Variants in CLPB observed in about 807,000 individuals in gnomAD.
CLPB encodes the protein mitochondrial disaggregase.
A neutral mutation model predicts 78.4 loss-of-function variants in CLPB; 40 were observed. That is an observed-to-expected ratio of 0.51 (90% CI 0.40 to 0.66). The LOEUF is 0.66. Ranked by LOEUF, CLPB falls within the 30% of genes least tolerant of loss-of-function variation. The probability of loss-of-function intolerance (pLI) is 0.00; values close to 1 mark genes in which losing one functional copy is unlikely to be tolerated. For missense variants in CLPB, 780 were observed against 886.9 expected (o/e 0.88, Z 1.53); for synonymous variants, 333 against 348.0 (o/e 0.96, Z 0.48).
chr11:72,379,223 C>T (rs1854821678), intron 4 of CLPB, among the ~76,000 whole-genome samples: 1 of 152,140 alleles, frequency 6.6e-6, no homozygotes, highest in Non-Finnish European at 1.5e-5. Context: ...TTTCCCCCAG[C>T]GTCAATATTC....
chr11:72,327,213 C>G (rs893526648), intron 6 of CLPB, among the ~76,000 whole-genome samples: 1 of 152,176 alleles, frequency 6.6e-6, no homozygotes, highest in Non-Finnish European at 1.5e-5. Context: ...AGCCTAGCCA[C>G]TCTGGCTCTG....
At chr11:72,373,058 C>T (rs771697265) in intron 4 of CLPB, 24 of 1,547,920 alleles carry the variant, frequency 1.6e-5, no homozygotes, top group Non-Finnish European at 2.1e-5. Context: ...CAGGCCAGGT[C>T]CTGCAGGCCC....
At chr11:72,351,018 T>G (rs182838470) in intron 5 of CLPB, among the ~76,000 whole-genome samples, 190 of 152,322 alleles carry the variant, frequency 1.2e-3, no homozygotes, top group African/African-American at 4.4e-3. Flanking sequence ...CCCAGATAAC[T>G]GCTAACATGG....
At chr11:72,407,193 A>C (rs1855735239) in intron 2 of CLPB, among the ~76,000 whole-genome samples, 1 of 152,114 alleles carries the variant, frequency 6.6e-6, no homozygotes, top group Non-Finnish European at 1.5e-5. Flanking sequence ...GAGTGAAATC[A>C]CTGGGTCCTA....
intron 3 of CLPB, among the ~76,000 whole-genome samples, chr11:72,385,106 C>T (rs373070054): frequency 6.6e-6 from 1 of 152,196 alleles, no homozygotes; most frequent in African/African-American, 2.4e-5. Flanking sequence ...TCTTCTCAAG[C>T]ACATGGGAAC....
chr11:72,356,700 A>G (rs1394795754), intron 5 of CLPB, among the ~76,000 whole-genome samples: 1 of 152,196 alleles, frequency 6.6e-6, no homozygotes, highest in African/African-American at 2.4e-5. Flanking sequence ...TGCCCCTGGA[A>G]CGGCTCAAAG....
In CLPB at chr11:72,434,318, C is replaced by T. The variant is rs1315701424; in HGVS notation, c.157G>A (p.Gly53Arg). 6.2e-7 allele frequency: 1 copy of T among 1,612,390 alleles called. No homozygotes were observed. Among genetic ancestry groups the T allele is most frequent in the Admixed American group, 1.7e-5 (1 of 60,010 alleles). Residue 53 changes from glycine (G) to arginine (R), a missense_variant, in exon 1 of 16, where the codon GGG becomes AGG. Transcript: ENST00000538039. ...GCCGGCGATGTTCCAGGGCGCCCCC[C>T]GGTGGCTACCCTCAGCCACTGCGGC... is the stretch of plus-strand genomic sequence containing the variant. The part of the protein sequence containing the change: ...GEPQWLRVAT[G>R]GRPGTSPALF...
At chr11:72,432,842 G>A (rs531043961) in intron 1 of CLPB, among the ~76,000 whole-genome samples, 1 of 152,098 alleles carries the variant, frequency 6.6e-6, no homozygotes, top group Non-Finnish European at 1.5e-5. Context: ...CACATCAAAC[G>A]AATCAAAGTC....
chr11:72,360,069 G>A (rs959892864), intron 4 of CLPB, among the ~76,000 whole-genome samples: 1 of 152,196 alleles, frequency 6.6e-6, no homozygotes, highest in Non-Finnish European at 1.5e-5. Flanking sequence ...CTTGGGAAAT[G>A]AGACCCCTCA....
chr11:72,297,636 G>GGTGGGT (rs1949574105), intron 11 of CLPB, among the ~76,000 whole-genome samples: 1 of 93,368 alleles, frequency 1.1e-5, no homozygotes, highest in African/African-American at 3.3e-5. Context: ...TTGGGGACCA[G>GGTGGGT]GTGTGTGTGT....
chr11:72,411,600 G>A (rs1565090686), intron 2 of CLPB: 1 of 152,124 alleles, frequency 6.6e-6, no homozygotes, highest in South Asian at 2.1e-4. Context: ...GACTTCCAAC[G>A]AAAAGACAAC....
intron 3 of CLPB, among the ~76,000 whole-genome samples, chr11:72,385,327 TC>T (rs1855043285): frequency 6.6e-6 from 1 of 152,190 alleles, no homozygotes; most frequent in Non-Finnish European, 1.5e-5. Flanking sequence ...ATACATTTTT[TC>T]CTTCTAATAA....
chr11:72,316,493 C>G (rs968910177), intron 7 of CLPB, among the ~76,000 whole-genome samples: 1 of 152,160 alleles, frequency 6.6e-6, no homozygotes. Context: ...ATTATCTGCT[C>G]GTTGGGTCTG....
At chr11:72,408,680 A>G (rs1340197547) in intron 2 of CLPB, among the ~76,000 whole-genome samples, 1 of 151,504 alleles carries the variant, frequency 6.6e-6, no homozygotes, top group Admixed American at 6.6e-5. Context: ...AAAAAAAAAA[A>G]AAAAAAAGAA....
At chr11:72,304,508 A>G (rs1408998761) in intron 9 of CLPB, among the ~76,000 whole-genome samples, 2 of 152,204 alleles carry the variant, frequency 1.3e-5, no homozygotes, top group South Asian at 2.1e-4. Context: ...CCTTATGATG[A>G]TATCACAGAA....
chr11:72,427,878 T>C (rs1856433730), intron 2 of CLPB, among the ~76,000 whole-genome samples: 1 of 152,180 alleles, frequency 6.6e-6, no homozygotes, highest in Non-Finnish European at 1.5e-5. Context: ...GCAGGTCTGT[T>C]GGGCAGAGCT....
In CLPB at chr11:72,404,306, C is replaced by T. The variant is rs185786466; in HGVS notation, c.456-1254G>A. Reference sequence around the variant, plus strand: ...AGGAGGGGTTTGGGAAGCTAGGAGGCTGTTTTTCAGTGGGTTCTAGCCAAA... The same window carrying T: ...AGGAGGGGTTTGGGAAGCTAGGAGGTTGTTTTTCAGTGGGTTCTAGCCAAA... On this transcript the variant is annotated intron_variant, in intron 2 of 15. Coordinates refer to ENST00000538039, the MANE Select transcript of CLPB (RefSeq NM_001258392.3). Among the ~76,000 whole-genome samples the T allele has an allele frequency of 4.6e-5, 7 of 152,298 alleles. No homozygotes were observed. The East Asian group carries it at 1.2e-3, about 25-fold the overall frequency.
intron 6 of CLPB, among the ~76,000 whole-genome samples, chr11:72,329,459 GA>G (rs1258255764): frequency 6.6e-6 from 1 of 152,196 alleles, no homozygotes. Context: ...TCAGAAGCCA[GA>G]AGTGGCCAAG....
chr11:72,399,706 A>G (rs1565485554), intron 3 of CLPB, among the ~76,000 whole-genome samples: 1 of 152,330 alleles, frequency 6.6e-6, no homozygotes, highest in East Asian at 1.9e-4. Context: ...GTGGCTGCCT[A>G]CATCCTAAAG....
Sources: gnomAD v4.1 joint callset for allele counts (sites outside exome capture counted in the v4.1 genomes callset) on GRCh38, gnomAD v4.1.1 for gene constraint, MANE v1.5 for transcripts, NCBI Gene and HGNC (gene_info 2026-07-23, HGNC 2026-07-21) for gene names.